Variants in HDAC9 observed in about 807,000 individuals in gnomAD.
HDAC9 encodes MEF-2 interacting transcription repressor (MITR) protein.
A neutral mutation model predicts 139.4 loss-of-function variants in HDAC9; 41 were observed. The ratio of observed to expected loss-of-function variants is 0.29; its 90% confidence interval spans 0.23 to 0.38. The LOEUF (loss-of-function observed/expected upper bound fraction) is 0.38, where lower values mean the gene tolerates loss of function less well. Ranked by LOEUF, HDAC9 falls within the 10% of genes least tolerant of loss-of-function variation. HDAC9 has a pLI of 1.00. For synonymous variants in HDAC9, 517 were observed against 476.2 expected, an observed-to-expected ratio of 1.09 and a Z score of -1.12; for missense variants, 1,147 against 1,297.0, an observed-to-expected ratio of 0.88 and a Z score of 1.78.
rs577324256 is a variant in HDAC9, at chr7:18,601,705, C to G, written c.664+7676C>G. On this transcript the variant is annotated intron_variant, in intron 6 of 25. Coordinates refer to ENST00000686413, the MANE Select transcript of HDAC9 (RefSeq NM_178425.4). Reference sequence around the variant, plus strand: ...ATTAATGTTGGGTTTTGTCAAGTCTCTTTTCTGTATCAACTGATATAATCG... The same window carrying G: ...ATTAATGTTGGGTTTTGTCAAGTCTGTTTTCTGTATCAACTGATATAATCG... 5.9e-5 allele frequency among the ~76,000 whole-genome samples: 9 copies of G among 152,250 alleles called. No individual in the cohort carries two copies. In the East Asian group the frequency reaches 1.5e-3, roughly 26 times the overall value.
rs567211816 is a variant in HDAC9, at chr7:18,676,666, A to G, written c.1731+10190A>G. Among the ~76,000 whole-genome samples the G allele has an allele frequency of 1.6e-4, 24 of 152,014 alleles. No individual in the cohort carries two copies. In the East Asian group the frequency reaches 4.5e-3, roughly 28 times the overall value. On this transcript the variant is annotated intron_variant, in intron 12 of 25. Transcript: ENST00000686413. ...ATTTGACTTTTGCTTAATTATTTCAATTGTCTGACAAACTCATAAAAATAT... is the reference window on the plus strand; with the variant it reads ...ATTTGACTTTTGCTTAATTATTTCAGTTGTCTGACAAACTCATAAAAATAT...
chr7:18,571,968 CTT>C (rs756527482), intron 2 of HDAC9, among the ~76,000 whole-genome samples: 1 of 142,402 alleles, frequency 7.0e-6, no homozygotes, highest in Non-Finnish European at 1.5e-5. Flanking sequence ...ACCAATGAAA[CTT>C]TTTTTTTTTT....
intron 2 of HDAC9, among the ~76,000 whole-genome samples, chr7:18,197,281 G>A (rs1178324): frequency 0.038 from 5,814 of 152,102 alleles, 154 homozygotes; most frequent in African/African-American, 0.061. Context: ...ACTAATACGC[G>A]TAGTATATGG....
At chr7:18,162,958 A>G (rs1225115163) in intron 2 of HDAC9, among the ~76,000 whole-genome samples, 3 of 152,200 alleles carry the variant, frequency 2.0e-5, no homozygotes, top group South Asian at 4.1e-4. Context: ...AGCAAACACA[A>G]TCCAAGTTTT....
chr7:18,793,539 G>T (rs755878421), intron 17 of HDAC9, 87 bp downstream of exon 17: 1 of 887,572 alleles, frequency 1.1e-6, no homozygotes, highest in Non-Finnish European at 1.8e-6. Flanking sequence ...GGGGAGTGTG[G>T]CGTGGTAATA....
chr7:18,688,724 G>A (rs143453465), intron 12 of HDAC9, among the ~76,000 whole-genome samples: 29 of 151,948 alleles, frequency 1.9e-4, no homozygotes, highest in African/African-American at 6.5e-4. Context: ...ACTAGAAGAA[G>A]CACACATTCA....
At chr7:18,615,827 C>G (rs1377219253) in intron 6 of HDAC9, among the ~76,000 whole-genome samples, 1 of 152,146 alleles carries the variant, frequency 6.6e-6, no homozygotes, top group Non-Finnish European at 1.5e-5. Context: ...TATTATTTTC[C>G]TGTGGATGCT....
chr7:18,702,981 A>G (rs992017549), intron 12 of HDAC9, among the ~76,000 whole-genome samples: 6 of 152,222 alleles, frequency 3.9e-5, no homozygotes, highest in African/African-American at 1.2e-4. Flanking sequence ...TTTGAAATCC[A>G]CACATATTAT....
intron 2 of HDAC9, among the ~76,000 whole-genome samples, chr7:18,573,045 A>C (rs1272806932): frequency 6.6e-6 from 1 of 152,222 alleles, no homozygotes; most frequent in Admixed American, 6.5e-5. Context: ...TTCAAGGCCT[A>C]CTGATATTTT....
intron 13 of HDAC9, among the ~76,000 whole-genome samples, chr7:18,732,485 A>G (rs1183375623): frequency 2.0e-5 from 3 of 148,812 alleles, no homozygotes; most frequent in Middle Eastern, 3.6e-3. Flanking sequence ...TACAGTGTAT[A>G]TATGTGTATA....
At chr7:18,088,754 T>C (rs959474069) in intron 1 of HDAC9, among the ~76,000 whole-genome samples, 12 of 152,362 alleles carry the variant, frequency 7.9e-5, no homozygotes, top group African/African-American at 2.9e-4. Flanking sequence ...TTTAAACCAC[T>C]GTTCCAGTTT....
intron 1 of HDAC9, among the ~76,000 whole-genome samples, chr7:18,151,154 C>A (rs954357866): frequency 3.9e-5 from 6 of 152,064 alleles, no homozygotes; most frequent in Non-Finnish European, 5.9e-5. Flanking sequence ...AAATTGCCTT[C>A]AATTAAATGA....
intron 22 of HDAC9, among the ~76,000 whole-genome samples, chr7:18,933,684 C>T (rs1186924549): frequency 6.6e-6 from 1 of 151,962 alleles, no homozygotes; most frequent in Non-Finnish European, 1.5e-5. Flanking sequence ...GAACATGAAT[C>T]AGCAGAAACA....
intron 2 of HDAC9, among the ~76,000 whole-genome samples, chr7:18,256,661 C>G (rs1488156543): frequency 2.0e-5 from 3 of 152,152 alleles, no homozygotes; most frequent in Admixed American, 2.0e-4. Context: ...ATAGTTTTTG[C>G]AACAGATAAT....
chr7:18,108,673 G>T, intron 1 of HDAC9, among the ~76,000 whole-genome samples: 1 of 133,762 alleles, frequency 7.5e-6, no homozygotes, highest in African/African-American at 2.8e-5. Flanking sequence ...GAGTGGCAGT[G>T]TTGTGATTTT....
intron 1 of HDAC9, among the ~76,000 whole-genome samples, chr7:18,404,891 C>T (rs1787865172): frequency 6.6e-6 from 1 of 152,176 alleles, no homozygotes; most frequent in South Asian, 2.1e-4. Flanking sequence ...TATTCTACTT[C>T]AGGGTTGTGG....
At chr7:18,229,575 G>A (rs775611006) in intron 2 of HDAC9, among the ~76,000 whole-genome samples, 2 of 152,154 alleles carry the variant, frequency 1.3e-5, no homozygotes, top group African/African-American at 2.4e-5. Context: ...TACTTGGTGA[G>A]TTATGGATGG....
chr7:18,136,441 A>G (rs1268260571), intron 1 of HDAC9, among the ~76,000 whole-genome samples: 1 of 151,752 alleles, frequency 6.6e-6, no homozygotes, highest in South Asian at 2.1e-4. Context: ...TTTTAGGTCT[A>G]ACGTTTAAGT....
At chr7:18,943,218 C>T (rs1305782813) in intron 23 of HDAC9, among the ~76,000 whole-genome samples, 2 of 152,020 alleles carry the variant, frequency 1.3e-5, no homozygotes, top group African/African-American at 4.8e-5. Flanking sequence ...AACTTCCCTT[C>T]AATGTTGTTA....
Sources: allele counts gnomAD v4.1 joint callset (sites outside exome capture counted in the v4.1 genomes callset), GRCh38; gene constraint gnomAD v4.1.1; transcripts MANE v1.5; gene names NCBI Gene and HGNC (gene_info 2026-07-23, HGNC 2026-07-21).